Variants in PHB1 observed in about 807,000 individuals in gnomAD.
PHB1 encodes the protein epididymis luminal protein 215.
the PHB1 span, chr17:49,412,059 G>C: frequency 2.0e-6 from 1 of 487,946 alleles, no homozygotes. Flanking sequence ...AATAGGACCT[G>C]TTCCTTAGCA....
chr17:49,414,007 A>T, the PHB1 span, among the ~76,000 whole-genome samples: 3 of 152,190 alleles, frequency 2.0e-5, no homozygotes, highest in African/African-American at 2.4e-5. Flanking sequence ...AAAATAACTT[A>T]AAAAATGTGC....
the PHB1 span, chr17:49,405,052 G>T: frequency 6.3e-7 from 1 of 1,587,382 alleles, no homozygotes; most frequent in Non-Finnish European, 8.6e-7. Context: ...TGTTCCGAGA[G>T]CGTGAGAGCT....
the PHB1 span, chr17:49,405,282 G>A: frequency 8.1e-7 from 1 of 1,234,620 alleles, no homozygotes; most frequent in Non-Finnish European, 1.2e-6. Flanking sequence ...CCCTTCACCA[G>A]AAAGCCACCT....
At chr17:49,408,508 T>G in the PHB1 span, among the ~76,000 whole-genome samples, 1 of 152,210 alleles carries the variant, frequency 6.6e-6, no homozygotes, top group Non-Finnish European at 1.5e-5. Flanking sequence ...CTCAAGAGGA[T>G]AGCTTACGCC....
chr17:49,405,342 G>A, the PHB1 span: 4 of 666,216 alleles, frequency 6.0e-6, no homozygotes, highest in Non-Finnish European at 1.1e-5. Context: ...CTGATGGCTA[G>A]CGGGGGAAGC....
At chr17:49,409,478 G>C in the PHB1 span, 4 of 1,613,412 alleles carry the variant, frequency 2.5e-6, no homozygotes, top group Admixed American at 5.0e-5. Flanking sequence ...GTAAATCTTA[G>C]GGTAGGGGAC....
At chr17:49,410,504 T>C in the PHB1 span, among the ~76,000 whole-genome samples, 37 of 152,374 alleles carry the variant, frequency 2.4e-4, no homozygotes, top group African/African-American at 8.7e-4. Context: ...TCAGATTATA[T>C]GTCTAACAGG....
chr17:49,404,705 G>A, the PHB1 span: 4 of 452,034 alleles, frequency 8.8e-6, no homozygotes, highest in Admixed American at 3.5e-5. Context: ...TGCCCAGGCC[G>A]GAACTCCAGC....
At chr17:49,411,936 T>A in the PHB1 span, 1 of 1,121,198 alleles carries the variant, frequency 8.9e-7, no homozygotes, top group Non-Finnish European at 1.3e-6. Flanking sequence ...TCTGTTCACT[T>A]ATTAAGTCTC....
chr17:49,410,875 T>G, the PHB1 span, among the ~76,000 whole-genome samples: 1 of 152,378 alleles, frequency 6.6e-6, no homozygotes, highest in East Asian at 1.9e-4. Context: ...GTTAACAGAC[T>G]GATCCTATGT....
the PHB1 span, among the ~76,000 whole-genome samples, chr17:49,408,380 A>G: frequency 1.1e-4 from 17 of 152,344 alleles, no homozygotes; most frequent in East Asian, 2.9e-3. Flanking sequence ...GGTTTTTCCC[A>G]GAGAATCTAG....
At chr17:49,412,973 C>T in the PHB1 span, 1 of 514,144 alleles carries the variant, frequency 1.9e-6, no homozygotes, top group African/African-American at 1.9e-5. Flanking sequence ...TTTTTGAATA[C>T]AGGCTCTGAG....
the PHB1 span, chr17:49,405,352 C>T: frequency 6.9e-5 from 45 of 653,362 alleles, no homozygotes; most frequent in East Asian, 4.4e-4. Context: ...GCGGGGGAAG[C>T]GGGGGGAAGC....
At chr17:49,404,604 G>A in the PHB1 span, 2 of 295,060 alleles carry the variant, frequency 6.8e-6, no homozygotes, top group Non-Finnish European at 1.3e-5. Flanking sequence ...TTCCATCAGT[G>A]ACAGGACGGA....
At chr17:49,410,592 T>C in the PHB1 span, among the ~76,000 whole-genome samples, 1 of 152,214 alleles carries the variant, frequency 6.6e-6, no homozygotes, top group South Asian at 2.1e-4. Flanking sequence ...GTGAGGCCTT[T>C]ACATGCTCTG....
the PHB1 span, among the ~76,000 whole-genome samples, chr17:49,413,480 T>C: frequency 8.4e-6 from 1 of 119,572 alleles, no homozygotes; most frequent in South Asian, 2.2e-4. Context: ...TCAATTCTTC[T>C]GCTTTTTTTT....
chr17:49,410,182 A>T, the PHB1 span, among the ~76,000 whole-genome samples: 2 of 152,058 alleles, frequency 1.3e-5, no homozygotes. Flanking sequence ...TACGCCTGGC[A>T]ATTTTTATTT....
At chr17:49,413,798 C>T in the PHB1 span, among the ~76,000 whole-genome samples, 1 of 152,140 alleles carries the variant, frequency 6.6e-6, no homozygotes, top group Non-Finnish European at 1.5e-5. Flanking sequence ...CATGAGCCAT[C>T]ATGCCTGGCT....
chr17:49,406,118 T>C, the PHB1 span, among the ~76,000 whole-genome samples: 10 of 152,368 alleles, frequency 6.6e-5, no homozygotes, highest in African/African-American at 2.2e-4. Context: ...TCTGAAGTTA[T>C]GGCAGATACA....
Sources: gnomAD v4.1 joint callset for allele counts (sites outside exome capture counted in the v4.1 genomes callset) on GRCh38, gnomAD v4.1.1 for gene constraint, MANE v1.5 for transcripts, NCBI Gene and HGNC (gene_info 2026-07-23, HGNC 2026-07-21) for gene names.